The following ABHD12 variants were observed in gnomAD, a reference collection of about 807,000 sequenced individuals.
The protein encoded by ABHD12 is lysophosphatidylserine lipase ABHD12.
ABHD12 carries 43 observed loss-of-function variants against 58.3 expected under a neutral mutation model. That is an observed-to-expected ratio of 0.74 (90% confidence interval 0.58 to 0.95). The LOEUF (loss-of-function observed/expected upper bound fraction) is 0.95. ABHD12 is among the 40% of genes least tolerant of loss of function. ABHD12 has a pLI of 0.00. For synonymous variants in ABHD12, 219 were observed against 211.2 expected, an observed-to-expected ratio of 1.04 and a Z score of -0.32; for missense variants, 539 against 537.2, an observed-to-expected ratio of 1.00 and a Z score of -0.03.
intron 1 of ABHD12, among the ~76,000 whole-genome samples, chr20:25,349,097 AAAG>A (rs1345846292): frequency 7.3e-5 from 11 of 150,662 alleles, no homozygotes; most frequent in African/African-American, 2.7e-4. Context: ...AAAAAAAAAA[AAAG>A]AAAAAAAGAA....
intron 1 of ABHD12, among the ~76,000 whole-genome samples, chr20:25,355,644 C>T (rs966541410): frequency 3.9e-5 from 6 of 152,138 alleles, no homozygotes; most frequent in Admixed American, 2.0e-4. Flanking sequence ...CTGCAACCTC[C>T]GCCTCCCGGG....
At chr20:25,305,372 T>TG (rs1465505827) in intron 10 of ABHD12, among the ~76,000 whole-genome samples, 1 of 152,010 alleles carries the variant, frequency 6.6e-6, no homozygotes, top group Admixed American at 6.5e-5. Flanking sequence ...TCCCTCTTTT[T>TG]TTTTTTTTGA....
chr20:25,383,474 A>C (rs1244768348), intron 1 of ABHD12, among the ~76,000 whole-genome samples: 1 of 152,210 alleles, frequency 6.6e-6, no homozygotes, highest in Non-Finnish European at 1.5e-5. Context: ...TAGACCAGTC[A>C]TGCCTTCAAT....
At chr20:25,386,263 CTTTT>C (rs201723868) in intron 1 of ABHD12, among the ~76,000 whole-genome samples, 4 of 142,170 alleles carry the variant, frequency 2.8e-5, no homozygotes, top group Non-Finnish European at 4.6e-5. Flanking sequence ...CTTTTTCTTT[CTTTT>C]TTTTTTTTTG....
At position 25,309,524 on chromosome 20, in the gene ABHD12, G is replaced by A; in HGVS notation, c.671C>T (p.Ala224Val). The change falls in exon 7 of 13, where the codon GCA becomes GTA. Residue 224 changes from alanine to valine, a missense_variant. Transcript: ENST00000339157. Reference protein sequence around the residue: ...TPSERGMTYDALHVFDWIKAR... With the variant: ...TPSERGMTYDVLHVFDWIKAR... The stretch of plus-strand genomic sequence containing the variant: ...TTTGATCCAGTCAAAAACGTGGAGT[G>A]CGTCATAGGTCATGCCCCGCTCAGA... The A allele has an allele frequency of 5.0e-6, 8 of 1,614,208 alleles. No homozygotes were observed. The highest frequency in any genetic ancestry group is 6.8e-6 in the Non-Finnish European group (8 of 1,180,028).
At chr20:25,357,438 G>T (rs1055235890) in intron 1 of ABHD12, among the ~76,000 whole-genome samples, 1 of 152,218 alleles carries the variant, frequency 6.6e-6, no homozygotes, top group Non-Finnish European at 1.5e-5. Context: ...CCAGTGCCCA[G>T]AATTTGGATG....
chr20:25,358,714 G>A (rs1224240246), intron 1 of ABHD12, among the ~76,000 whole-genome samples: 4 of 152,114 alleles, frequency 2.6e-5, no homozygotes, highest in African/African-American at 4.8e-5. Flanking sequence ...GTGGCACTCC[G>A]GGCACACGTG....
At chr20:25,330,602 C>T (rs981777490) in intron 2 of ABHD12, among the ~76,000 whole-genome samples, 9 of 152,234 alleles carry the variant, frequency 5.9e-5, no homozygotes, top group East Asian at 1.9e-4. Flanking sequence ...TCTCCCAGCA[C>T]GCACCTGGAG....
At chr20:25,370,562 G>T (rs969362283) in intron 1 of ABHD12, among the ~76,000 whole-genome samples, 18 of 152,278 alleles carry the variant, frequency 1.2e-4, no homozygotes, top group South Asian at 6.2e-4. Context: ...TAATAGTCAG[G>T]ATGTATAAGA....
downstream of ABHD12, chr20:25,297,325 CCTTTT>C (rs1272886602): frequency 2.6e-5 from 4 of 152,298 alleles, no homozygotes; most frequent in Admixed American, 2.6e-4. Context: ...CTAGCTGAAG[CCTTTT>C]CTTGTTTTAG....
intron 11 of ABHD12, 29 bp from the exon 12 acceptor site, chr20:25,302,375 C>T (rs761264673): frequency 2.0e-5 from 33 of 1,611,814 alleles, no homozygotes; most frequent in Non-Finnish European, 2.8e-5. Flanking sequence ...GAGCCTGAGG[C>T]AGTGGCCTGG....
At chr20:25,351,895 G>C (rs1312537115) in intron 1 of ABHD12, among the ~76,000 whole-genome samples, 1 of 152,092 alleles carries the variant, frequency 6.6e-6, no homozygotes, top group Non-Finnish European at 1.5e-5. Context: ...GAGAGAAACT[G>C]TGTCTCAAAA....
intron 1 of ABHD12, among the ~76,000 whole-genome samples, chr20:25,382,014 A>C (rs2090028322): frequency 6.6e-6 from 1 of 152,162 alleles, no homozygotes; most frequent in Non-Finnish European, 1.5e-5. Context: ...AGAAGATGTC[A>C]CTGACCAAGC....
chr20:25,336,126 T>C (rs2089364398), intron 2 of ABHD12, among the ~76,000 whole-genome samples: 1 of 152,164 alleles, frequency 6.6e-6, no homozygotes, highest in Non-Finnish European at 1.5e-5. Context: ...TCATAAATGC[T>C]GAGTCTCATC....
chr20:25,368,320 G>C, intron 1 of ABHD12: 1 of 1,545,910 alleles, frequency 6.5e-7, no homozygotes, highest in East Asian at 2.2e-5. Flanking sequence ...TGCTGGTCTT[G>C]CCATTCCTGG....
chr20:25,317,100 GGT>G, intron 4 of ABHD12, 22 bp from the exon 5 acceptor site: 1 of 1,603,748 alleles, frequency 6.2e-7, no homozygotes, highest in Non-Finnish European at 8.5e-7. Context: ...AACAGGACAT[GGT>G]GTGAGCACAT....
chr20:25,388,968 G>T (rs1429061408), intron 1 of ABHD12, among the ~76,000 whole-genome samples: 1 of 151,748 alleles, frequency 6.6e-6, no homozygotes, highest in African/African-American at 2.4e-5. Flanking sequence ...CACCACGCCC[G>T]GCTAATTTTG....
intron 1 of ABHD12, among the ~76,000 whole-genome samples, chr20:25,386,027 G>GAT (rs1406846450): frequency 4.0e-5 from 6 of 151,686 alleles, no homozygotes; most frequent in African/African-American, 1.5e-4. Flanking sequence ...CGTGAACCCG[G>GAT]GAGGCAAAGC....
At chr20:25,361,022 G>C in intron 1 of ABHD12, among the ~76,000 whole-genome samples, 1 of 152,340 alleles carries the variant, frequency 6.6e-6, no homozygotes, top group African/African-American at 2.4e-5. Context: ...GCCATCTTCC[G>C]CAGCTCTCAG....
Sources: allele counts gnomAD v4.1 joint callset (sites outside exome capture counted in the v4.1 genomes callset), GRCh38; gene constraint gnomAD v4.1.1; transcripts MANE v1.5; gene names NCBI Gene and HGNC (gene_info 2026-07-23, HGNC 2026-07-21).